Variants in GALNT13 observed in about 807,000 individuals in gnomAD.
The protein encoded by GALNT13 is polypeptide N-acetylgalactosaminyltransferase 13.
A neutral mutation model predicts 64.2 loss-of-function variants in GALNT13; 28 were observed. The observed-to-expected ratio is 0.44, with a 90% CI of 0.32 to 0.60. The LOEUF (loss-of-function observed/expected upper bound fraction) is 0.60. GALNT13 is among the 20% of genes least tolerant of loss of function. GALNT13 has a pLI of 0.05. For missense variants in GALNT13, 577 were observed against 669.8 expected, an observed-to-expected ratio of 0.86 and a Z score of 1.53; for synonymous variants, 214 against 224.6, an observed-to-expected ratio of 0.95 and a Z score of 0.42.
At chr2:154,138,120 C>T (rs1159215434) in intron 3 of GALNT13, among the ~76,000 whole-genome samples, 1 of 152,034 alleles carries the variant, frequency 6.6e-6, no homozygotes. Context: ...TAGTTACAAA[C>T]CCACAATTTA....
chr2:154,263,179 T>C (rs1690796594), intron 8 of GALNT13, among the ~76,000 whole-genome samples: 1 of 152,214 alleles, frequency 6.6e-6, no homozygotes, highest in South Asian at 2.1e-4. Flanking sequence ...AAGTATGGAC[T>C]GGGATTCAGA....
chr2:154,342,349 C>T (rs1199309946), intron 9 of GALNT13, among the ~76,000 whole-genome samples: 1 of 151,996 alleles, frequency 6.6e-6, no homozygotes, highest in Non-Finnish European at 1.5e-5. Flanking sequence ...TAAGTCAGCA[C>T]ATAAGAAAGA....
chr2:153,797,164 CAG>C, the GALNT13 span, among the ~76,000 whole-genome samples: 1 of 152,168 alleles, frequency 6.6e-6, no homozygotes, highest in Non-Finnish European at 1.5e-5. Flanking sequence ...AAGTAAATAA[CAG>C]AGAGCCTAAT....
At chr2:153,125,732 G>A in the GALNT13 span, among the ~76,000 whole-genome samples, 13 of 152,274 alleles carry the variant, frequency 8.5e-5, no homozygotes, top group African/African-American at 2.9e-4. Context: ...CTCTGCTAAC[G>A]TGTACTAAGA....
At chr2:153,398,575 C>G in the GALNT13 span, among the ~76,000 whole-genome samples, 2 of 152,066 alleles carry the variant, frequency 1.3e-5, no homozygotes, top group African/African-American at 2.4e-5. Flanking sequence ...CACATCCTCT[C>G]CAGCACCTGT....
the GALNT13 span, among the ~76,000 whole-genome samples, chr2:153,318,556 A>G: frequency 6.6e-6 from 1 of 152,310 alleles, no homozygotes; most frequent in Middle Eastern, 3.4e-3. Context: ...GATGCAGCAT[A>G]GAGGAAGTGG....
intron 3 of GALNT13, among the ~76,000 whole-genome samples, chr2:153,994,261 C>G (rs879667311): frequency 3.3e-5 from 5 of 152,250 alleles, no homozygotes; most frequent in South Asian, 2.1e-4. Flanking sequence ...CTTTTTTATG[C>G]CTGCATAGTA....
chr2:154,241,953 A>G (rs1240833499), intron 4 of GALNT13, 77 bp from the exon 5 acceptor site: 6 of 841,728 alleles, frequency 7.1e-6, no homozygotes, highest in African/African-American at 7.0e-5. Context: ...AAGTTGTGTT[A>G]TTATGGATAT....
At chr2:153,699,802 A>G in the GALNT13 span, among the ~76,000 whole-genome samples, 2 of 152,216 alleles carry the variant, frequency 1.3e-5, no homozygotes, top group East Asian at 1.9e-4. Flanking sequence ...AAGAAGTTGA[A>G]TCCCTGAATA....
At chr2:154,250,858 A>G (rs931398280) in intron 7 of GALNT13, among the ~76,000 whole-genome samples, 1 of 152,096 alleles carries the variant, frequency 6.6e-6, no homozygotes, top group African/African-American at 2.4e-5. Context: ...ATAAAATAAA[A>G]GATATGAAAA....
chr2:153,405,686 T>C, the GALNT13 span, among the ~76,000 whole-genome samples: 2 of 152,114 alleles, frequency 1.3e-5, no homozygotes, highest in African/African-American at 4.8e-5. Context: ...TAAGAACATA[T>C]TAGAATTTCT....
At chr2:153,427,880 G>A in the GALNT13 span, among the ~76,000 whole-genome samples, 1 of 152,030 alleles carries the variant, frequency 6.6e-6, no homozygotes, top group African/African-American at 2.4e-5. Context: ...TAGGAAGACA[G>A]GAATTTTTCT....
At chr2:153,173,689 A>G in the GALNT13 span, among the ~76,000 whole-genome samples, 1 of 151,956 alleles carries the variant, frequency 6.6e-6, no homozygotes, top group African/African-American at 2.4e-5. Flanking sequence ...AAATATTAAT[A>G]CATTCACCCC....
At chr2:153,182,858 A>G in the GALNT13 span, among the ~76,000 whole-genome samples, 3 of 152,190 alleles carry the variant, frequency 2.0e-5, no homozygotes, top group Admixed American at 2.0e-4. Flanking sequence ...TACCCAGTCT[A>G]TCACTGATGA....
chr2:153,721,095 A>G, the GALNT13 span, among the ~76,000 whole-genome samples: 1 of 148,992 alleles, frequency 6.7e-6, no homozygotes, highest in East Asian at 2.0e-4. Flanking sequence ...GAAGCCCATC[A>G]GACTAACAGC....
chr2:153,440,058 C>T, the GALNT13 span, among the ~76,000 whole-genome samples: 1 of 152,116 alleles, frequency 6.6e-6, no homozygotes, highest in Non-Finnish European at 1.5e-5. Context: ...ACCCATCAAC[C>T]CGTCATCTAC....
intron 8 of GALNT13, among the ~76,000 whole-genome samples, chr2:154,274,263 A>G (rs1248042830): frequency 6.6e-6 from 1 of 152,202 alleles, no homozygotes; most frequent in Non-Finnish European, 1.5e-5. Context: ...ATAGTGCATT[A>G]AGTTCAAAGG....
chr2:153,778,697 A>C, the GALNT13 span, among the ~76,000 whole-genome samples: 4 of 152,066 alleles, frequency 2.6e-5, no homozygotes, highest in Non-Finnish European at 4.4e-5. Flanking sequence ...AATAATTCCA[A>C]CTCTTCTCAA....
At chr2:153,550,747 C>T in the GALNT13 span, among the ~76,000 whole-genome samples, 1 of 152,262 alleles carries the variant, frequency 6.6e-6, no homozygotes, top group East Asian at 1.9e-4. Context: ...TGACAATTAG[C>T]ATTGTATTTG....
Sources: gnomAD v4.1 joint callset for allele counts (sites outside exome capture counted in the v4.1 genomes callset) on GRCh38, gnomAD v4.1.1 for gene constraint, MANE v1.5 for transcripts, NCBI Gene and HGNC (gene_info 2026-07-23, HGNC 2026-07-21) for gene names.